Variants in ARL6IP4 observed in about 807,000 individuals in gnomAD.
ARL6IP4 encodes ARF like GTPase 6 interacting protein 4.
Under a neutral mutation model 28.1 loss-of-function variants are expected in ARL6IP4, and 24 were observed. The ratio of observed to expected loss-of-function variants is 0.86; its 90% CI spans 0.62 to 1.20. The LOEUF is 1.20. Among genes scored for constraint, ARL6IP4 ranks in the 50% most tolerant of loss-of-function variants. ARL6IP4 has a pLI of 0.00. For missense variants in ARL6IP4, 343 were observed against 302.4 expected (o/e 1.13, Z -1.00); for synonymous variants, 162 against 122.3 (o/e 1.32, Z -2.14).
intron 1 of ARL6IP4, 145 bp downstream of exon 1, chr12:122,980,890 G>T (rs186157628): frequency 7.4e-7 from 1 of 1,352,978 alleles, no homozygotes; most frequent in East Asian, 3.1e-5. Context: ...GGAGCCGGGT[G>T]CGCAGGCGTG....
rs769565600 is a variant in ARL6IP4 at position 122,981,585 on chromosome 12, T to A, written c.175T>A (p.Cys59Ser). 2 of 1,555,774 alleles carry A rather than the reference T, an allele frequency of 1.3e-6. No homozygotes were observed. Among genetic ancestry groups the A allele is most frequent in the African/African-American group, 1.4e-5 (1 of 73,986 alleles). ...APGAEASPSP[C>S]ITERSKQKAR... ...TGGCCTTCCAGCCTCACCTTCTCCC[T>A]GCATCACAGAGAGAAGCAAGCAGAA... Residue 59 changes from cysteine (C) to serine (S), a missense_variant, in exon 3 of 6, where the codon TGC becomes AGC. Cys to Ser is a moderately radical substitution (Grantham distance 112, BLOSUM62 -1). Coordinates refer to ENST00000315580, the MANE Select transcript of ARL6IP4 (RefSeq NM_018694.4).
Position 122,981,527 on chromosome 12 carries a change from G to C in ARL6IP4, c.161-44G>C, listed in dbSNP as rs141421439. On this transcript the variant is annotated intron_variant, in intron 2 of 5. Coordinates refer to ENST00000315580, the MANE Select transcript of ARL6IP4 (RefSeq NM_018694.4). ...GCCGGTCTGTGCCTGCCCCAGGCCAGAGCAGGGGACGAAGGTTTACCTCTT... is the reference window on the plus strand; with the variant it reads ...GCCGGTCTGTGCCTGCCCCAGGCCACAGCAGGGGACGAAGGTTTACCTCTT... 4.7e-6 allele frequency: 7 copies of C among 1,492,982 alleles called. No homozygotes were observed. In the Admixed American group the frequency reaches 6.2e-5, roughly 13 times the overall value. 92.5% of individuals were successfully genotyped at this position (1,492,982 alleles called of 1,614,324 possible). A position where few individuals can be genotyped will look rare whatever the true frequency, so the allele number is the denominator to read the frequency against.
chr12:122,980,962 G>A, intron 1 of ARL6IP4, 167 bp from the exon 2 acceptor site: 1 of 1,385,040 alleles, frequency 7.2e-7, no homozygotes, highest in South Asian at 1.6e-5. Flanking sequence ...AGTCGGCGGA[G>A]AAAACCGGGG....
intron 4 of ARL6IP4, 71 bp downstream of exon 4, chr12:122,982,145 G>A (rs545612557): frequency 6.5e-7 from 1 of 1,548,984 alleles, no homozygotes; most frequent in Non-Finnish European, 8.9e-7. Flanking sequence ...GCTCTCGGGA[G>A]GAGTGGGGCC....
At position 122,982,523 on chromosome 12, in the gene ARL6IP4, C is replaced by T. The variant is rs771187096; in HGVS notation, c.642C>T (p.His214=). ...VLEEIVTKER[H]REINKQATRG... is the part of the protein sequence containing the mutation. ...AGGAAATCGTAACCAAAGAACGACACAGAGAGATCAACAAGGTGGGTGTGG... is the reference window on the plus strand; with the variant it reads ...AGGAAATCGTAACCAAAGAACGACATAGAGAGATCAACAAGGTGGGTGTGG... Residue 214 remains histidine (H), a synonymous_variant, in exon 5 of 6, where the codon CAC becomes CAT. Transcript: ENST00000315580. 3.7e-6 allele frequency: 6 copies of T among 1,614,060 alleles called. No individual in the cohort carries two copies. In the East Asian group the frequency reaches 1.1e-4, roughly 30 times the overall value.
At chr12:122,980,856 A>C in intron 1 of ARL6IP4, 111 bp downstream of exon 1, 15 of 1,330,984 alleles carry the variant, frequency 1.1e-5, no homozygotes, top group Non-Finnish European at 1.3e-5. Context: ...CTCGCGGCGG[A>C]CGGCGGCCAG....
upstream of ARL6IP4, chr12:122,980,557 C>T: frequency 1.5e-6 from 2 of 1,353,954 alleles, no homozygotes; most frequent in Non-Finnish European, 1.9e-6. Flanking sequence ...CGAGGGCCGG[C>T]GCCCCTGCTT....
In ARL6IP4 at chr12:122,982,799, A is replaced by G; in HGVS notation, c.*123A>G. On this transcript the variant is annotated 3_prime_UTR_variant, in exon 6 of 6. Coordinates refer to ENST00000315580, the MANE Select transcript of ARL6IP4 (RefSeq NM_018694.4). ...TCCCCCGTGGATTGGTCTCTGGCCC[A>G]GCCCAGTCTCTTCTCAGGGGCAGGG... The G allele has an allele frequency of 9.5e-7, 1 of 1,051,910 alleles. No homozygotes were observed. Among genetic ancestry groups the G allele is most frequent in the Non-Finnish European group, 1.4e-6 (1 of 714,074 alleles). 65.2% of individuals were successfully genotyped at this position (1,051,910 alleles called of 1,614,324 possible). A position where few individuals can be genotyped will look rare whatever the true frequency, so the allele number is the denominator to read the frequency against.
At position 122,980,721 on chromosome 12, in the gene ARL6IP4, C is replaced by T; in HGVS notation, c.-36C>T. ...TCCTCTCGAGAAGGCGCGGGGCGGGCTGTCCGGCCCGCAGGGCGGTCGAGG... is the reference window on the plus strand; with the variant it reads ...TCCTCTCGAGAAGGCGCGGGGCGGGTTGTCCGGCCCGCAGGGCGGTCGAGG... On this transcript the variant is annotated 5_prime_UTR_variant, in exon 1 of 6. Coordinates refer to ENST00000315580, the MANE Select transcript of ARL6IP4 (RefSeq NM_018694.4). 1 of 1,324,398 alleles carries T rather than the reference C, an allele frequency of 7.6e-7. No individual in the cohort carries two copies. Among genetic ancestry groups the T allele is most frequent in the Non-Finnish European group, 9.6e-7 (1 of 1,041,764 alleles). The allele number at this position is 1,324,398 out of a possible 1,614,324, so 82.0% of individuals were successfully genotyped here.
At position 122,982,277 on chromosome 12, in the gene ARL6IP4, G is replaced by A. The variant is rs147714956; in HGVS notation, c.588-192G>A. 68 of 797,928 alleles carry A rather than the reference G, an allele frequency of 8.5e-5. No individual in the cohort carries two copies. In the East Asian group the frequency reaches 1.8e-3, roughly 21 times the overall value. The allele number at this position is 797,928 out of a possible 1,614,324, so 49.4% of individuals were successfully genotyped here. A position where few individuals can be genotyped will look rare whatever the true frequency, so the allele number is the denominator to read the frequency against. On this transcript the variant is annotated intron_variant, in intron 4 of 5. Coordinates refer to ENST00000315580, the MANE Select transcript of ARL6IP4 (RefSeq NM_018694.4). ...CTCTTGAAAGGGCTGTTGTTGGCCGGGCTGAGGCTGGCAAGGCAGAGCCCA... is the reference window on the plus strand; with the variant it reads ...CTCTTGAAAGGGCTGTTGTTGGCCGAGCTGAGGCTGGCAAGGCAGAGCCCA...
intron 4 of ARL6IP4, 181 bp from the exon 5 acceptor site, chr12:122,982,288 G>T: frequency 1.2e-6 from 1 of 809,624 alleles, no homozygotes; most frequent in South Asian, 1.7e-5. Flanking sequence ...GCTGAGGCTG[G>T]CAAGGCAGAG....
chr12:122,981,360 C>CAGTGGTCG, intron 2 of ARL6IP4, 61 bp downstream of exon 2: 2 of 1,501,922 alleles, frequency 1.3e-6, no homozygotes, highest in South Asian at 2.6e-5. Flanking sequence ...GTCGGGCGAG[C>CAGTGGTCG]AGTGGTCGGG....
intron 4 of ARL6IP4, 67 bp from the exon 5 acceptor site, chr12:122,982,402 G>A (rs2037723914): frequency 6.8e-7 from 1 of 1,466,418 alleles, no homozygotes; most frequent in Non-Finnish European, 9.4e-7. Flanking sequence ...GGCTGCTTGT[G>A]GTTCTGCTCC....
rs752668489 is a variant in ARL6IP4, at chr12:122,981,949, C to T, written c.470-8C>T. 1.2e-6 allele frequency: 2 copies of T among 1,613,724 alleles called. No homozygotes were observed. The highest frequency in any genetic ancestry group is 1.1e-5 in the South Asian group (1 of 91,092). ...AGGCCTGGCCACCACCTCCGTCTTCCCTTCCAGTCCTGACGGATGAGCAGA... is the reference window on the plus strand; with the variant it reads ...AGGCCTGGCCACCACCTCCGTCTTCTCTTCCAGTCCTGACGGATGAGCAGA... On this transcript the variant is annotated splice_polypyrimidine_tract_variant and splice_region_variant and intron_variant, in intron 3 of 5. Transcript: ENST00000315580.
rs1376374966 is a variant in ARL6IP4, at chr12:122,982,542, G to T, written c.657+4G>T. ...ACGACACAGAGAGATCAACAAGGTGGGTGTGGCCCCTCTGCCTGCCATCCG... is the reference window on the plus strand; with the variant it reads ...ACGACACAGAGAGATCAACAAGGTGTGTGTGGCCCCTCTGCCTGCCATCCG... On this transcript the variant is annotated splice_donor_region_variant and intron_variant, in intron 5 of 5. Coordinates refer to ENST00000315580, the MANE Select transcript of ARL6IP4 (RefSeq NM_018694.4). The T allele has an allele frequency of 2.5e-6, 4 of 1,614,012 alleles. No individual in the cohort carries two copies. Among genetic ancestry groups the T allele is most frequent in the African/African-American group, 2.7e-5 (2 of 74,900 alleles).
At chr12:122,982,358 G>A in intron 4 of ARL6IP4, 111 bp from the exon 5 acceptor site, 2 of 1,111,492 alleles carry the variant, frequency 1.8e-6, no homozygotes, top group Non-Finnish European at 2.6e-6. Context: ...GTCCACTCAA[G>A]GCTGCGGGGT....
At chr12:122,981,425 G>T in intron 2 of ARL6IP4, 126 bp downstream of exon 2, 1 of 1,389,306 alleles carries the variant, frequency 7.2e-7, no homozygotes, top group Non-Finnish European at 9.5e-7. Flanking sequence ...GCCAGGCGCC[G>T]CAGGAGCCAG....
upstream of ARL6IP4, chr12:122,980,448 A>G (rs2037591509): frequency 2.9e-6 from 4 of 1,361,394 alleles, no homozygotes; most frequent in Non-Finnish European, 3.8e-6. Flanking sequence ...CCTTCTTCCC[A>G]GGGCACCGGG....
rs2037735087 is a variant in ARL6IP4 at position 122,982,508 on chromosome 12, A to T, written c.627A>T (p.Val209=). 1.2e-6 allele frequency: 2 copies of T among 1,614,058 alleles called. No homozygotes were observed. Among genetic ancestry groups the T allele is most frequent in the Non-Finnish European group, 1.7e-6 (2 of 1,179,978 alleles). The change falls in exon 5 of 6, where the codon GTA becomes GTT. Residue 209 remains valine, a synonymous_variant. Transcript: ENST00000315580. ...KGDGEVLEEI[V]TKERHREINK... ...ATGGCGAGGTCCTAGAGGAAATCGT[A>T]ACCAAAGAACGACACAGAGAGATCA... is the stretch of plus-strand genomic sequence containing the variant.
Sources: gnomAD v4.1 joint callset for allele counts on GRCh38, gnomAD v4.1.1 for gene constraint, MANE v1.5 for transcripts, NCBI Gene and HGNC (gene_info 2026-07-23, HGNC 2026-07-21) for gene names.